Variants in LRP1B observed in about 807,000 individuals in gnomAD.
LRP1B encodes the protein LDL receptor related protein 1B, also known as low-density lipoprotein receptor-related protein 1B.
Under a neutral mutation model 556.6 loss-of-function variants are expected in LRP1B, and 217 were observed. The ratio of observed to expected loss-of-function variants is 0.39; its 90% CI spans 0.35 to 0.44. The LOEUF is 0.44. Ranked by LOEUF, LRP1B falls within the 20% of genes least tolerant of loss-of-function variation. LRP1B has a pLI of 1.00. For missense variants in LRP1B, 5,053 were observed against 5,620.8 expected, an observed-to-expected ratio of 0.90 and a Z score of 3.23; for synonymous variants, 2,047 against 1,865.8, an observed-to-expected ratio of 1.10 and a Z score of -2.50.
chr2:142,000,435 T>C (rs1408032379), intron 1 of LRP1B, among the ~76,000 whole-genome samples: 1 of 152,122 alleles, frequency 6.6e-6, no homozygotes, highest in African/African-American at 2.4e-5. Context: ...ACAACAATAG[T>C]GAAGTGGTGA....
At position 140,917,944 on chromosome 2, in the gene LRP1B, C is replaced by T. The variant is rs942080524; in HGVS notation, c.3319+5021G>A. Among the ~76,000 whole-genome samples the T allele has an allele frequency of 1.1e-4, 17 of 152,056 alleles. No homozygotes were observed. The East Asian group carries it at 1.5e-3, about 14-fold the overall frequency. On this transcript the variant is annotated intron_variant, in intron 21 of 90. Transcript: ENST00000389484. ...GTAAAGAAAGCTGTGCATGTGAGGG[C>T]GGTGGGAGTATACAGGAAGTCTCTG... is the stretch of plus-strand genomic sequence containing the variant.
intron 2 of LRP1B, among the ~76,000 whole-genome samples, chr2:141,694,621 T>C (rs1458966300): frequency 2.6e-5 from 4 of 151,922 alleles, no homozygotes; most frequent in African/African-American, 9.6e-5. Context: ...TGGAAGAATT[T>C]GGGCTCATGA....
chr2:141,112,489 G>GA (rs1295009653), intron 7 of LRP1B, among the ~76,000 whole-genome samples: 1 of 152,052 alleles, frequency 6.6e-6, no homozygotes, highest in Non-Finnish European at 1.5e-5. Context: ...GCCTTACAGG[G>GA]AAAAAAATAC....
chr2:142,000,215 T>C, intron 1 of LRP1B, among the ~76,000 whole-genome samples: 1 of 152,118 alleles, frequency 6.6e-6, no homozygotes, highest in East Asian at 1.9e-4. Flanking sequence ...CACAAACTCA[T>C]GGCAGCGTTG....
At chr2:140,443,478 C>A (rs78803783) in intron 65 of LRP1B, among the ~76,000 whole-genome samples, 1 of 152,166 alleles carries the variant, frequency 6.6e-6, no homozygotes, top group Non-Finnish European at 1.5e-5. Flanking sequence ...CTGGTACTGA[C>A]TTTATTCTGA....
At chr2:140,483,904 T>A (rs1326898618) in intron 59 of LRP1B, among the ~76,000 whole-genome samples, 1 of 151,900 alleles carries the variant, frequency 6.6e-6, no homozygotes, top group Non-Finnish European at 1.5e-5. Context: ...GCGCCCAAAG[T>A]GCTGGAATTA....
Position 141,510,241 on chromosome 2 carries a change from A to C in LRP1B, c.206-29708T>G, listed in dbSNP as rs1427123584. ...ACACACACACACACACACACCCCCC[A>C]CAGTCATTTGATGATATTTCTATAT... On this transcript the variant is annotated intron_variant, in intron 2 of 90. Coordinates refer to ENST00000389484, the MANE Select transcript of LRP1B (RefSeq NM_018557.3). 2.7e-5 allele frequency among the ~76,000 whole-genome samples: 3 copies of C among 109,838 alleles called. No homozygotes were observed. The East Asian group carries it at 1.1e-3, about 41-fold the overall frequency. 72.1% of individuals were successfully genotyped at this position (109,838 alleles called of 152,430 possible).
At chr2:140,238,552 C>A (rs1229285977) in intron 88 of LRP1B, among the ~76,000 whole-genome samples, 1 of 150,840 alleles carries the variant, frequency 6.6e-6, no homozygotes, top group Non-Finnish European at 1.5e-5. Context: ...ATTTACCAAT[C>A]TTTTTAAATT....
At chr2:141,435,042 G>C (rs1333296312) in intron 3 of LRP1B, among the ~76,000 whole-genome samples, 1 of 151,972 alleles carries the variant, frequency 6.6e-6, no homozygotes, top group Non-Finnish European at 1.5e-5. Context: ...ATTCAATCAG[G>C]GACTAATAGT....
At chr2:141,227,259 G>C (rs748497298) in intron 6 of LRP1B, among the ~76,000 whole-genome samples, 1 of 152,026 alleles carries the variant, frequency 6.6e-6, no homozygotes, top group Non-Finnish European at 1.5e-5. Flanking sequence ...TCTTAAGTAC[G>C]CTCAGAAAAT....
At chr2:141,711,738 T>C (rs1692367642) in intron 2 of LRP1B, among the ~76,000 whole-genome samples, 1 of 152,140 alleles carries the variant, frequency 6.6e-6, no homozygotes, top group African/African-American at 2.4e-5. Flanking sequence ...TACTCACAGT[T>C]TTCTGATTTC....
At position 140,297,794 on chromosome 2, in the gene LRP1B, C is replaced by T. The variant is rs2105000311; in HGVS notation, c.12967+14G>A. The T allele has an allele frequency of 1.9e-6, 3 of 1,598,570 alleles. No homozygotes were observed. Among genetic ancestry groups the T allele is most frequent in the Non-Finnish European group, 2.6e-6 (3 of 1,169,376 alleles). On this transcript the variant is annotated intron_variant, in intron 84 of 90. Transcript: ENST00000389484. ...AAACATCAAAGCTGGCTTCTGGGTG[C>T]TGCTTTTACTTACAGTACTGACATC... is the stretch of plus-strand genomic sequence containing the variant.
intron 43 of LRP1B, among the ~76,000 whole-genome samples, chr2:140,590,401 G>A (rs1005221056): frequency 6.6e-6 from 1 of 151,174 alleles, no homozygotes; most frequent in African/African-American, 2.4e-5. Context: ...TAGTGGCTAT[G>A]GACTGAACTG....
At chr2:141,757,419 T>A (rs1197506013) in intron 2 of LRP1B, among the ~76,000 whole-genome samples, 2 of 152,060 alleles carry the variant, frequency 1.3e-5, no homozygotes, top group Admixed American at 1.3e-4. Flanking sequence ...TTTTATAAGA[T>A]CCTTAGAAGA....
intron 6 of LRP1B, among the ~76,000 whole-genome samples, chr2:141,219,576 G>A (rs1180631452): frequency 6.6e-6 from 1 of 152,204 alleles, no homozygotes; most frequent in South Asian, 2.1e-4. Flanking sequence ...GCTCAGACAA[G>A]GGGCAGCCAA....
chr2:140,575,498 G>A (rs889774485), intron 43 of LRP1B, among the ~76,000 whole-genome samples: 28 of 152,206 alleles, frequency 1.8e-4, no homozygotes, highest in African/African-American at 6.7e-4. Flanking sequence ...CCATGCCATG[G>A]CTTATGTTCA....
At chr2:141,293,011 C>T (rs1686037674) in intron 3 of LRP1B, among the ~76,000 whole-genome samples, 1 of 152,064 alleles carries the variant, frequency 6.6e-6, no homozygotes, top group Non-Finnish European at 1.5e-5. Context: ...ATTCTACGTA[C>T]TATCTTCTCA....
chr2:140,965,889 C>CTTT (rs36155375), intron 18 of LRP1B, among the ~76,000 whole-genome samples: 3 of 150,612 alleles, frequency 2.0e-5, no homozygotes, highest in South Asian at 2.1e-4. Context: ...TGAACTCATC[C>CTTT]TTTTTTTATG....
chr2:140,493,108 C>T (rs1382111188), intron 56 of LRP1B, among the ~76,000 whole-genome samples: 1 of 152,120 alleles, frequency 6.6e-6, no homozygotes, highest in East Asian at 1.9e-4. Flanking sequence ...GGCTAATGCT[C>T]TCAGGATGAC....
Sources: gnomAD v4.1 joint callset for allele counts (sites outside exome capture counted in the v4.1 genomes callset) on GRCh38, gnomAD v4.1.1 for gene constraint, MANE v1.5 for transcripts, NCBI Gene and HGNC (gene_info 2026-07-23, HGNC 2026-07-21) for gene names.